The following LITAF variants were observed in gnomAD, a reference collection of about 807,000 sequenced individuals.
The protein encoded by LITAF is lipopolysaccharide-induced tumor necrosis factor-alpha factor.
In LITAF, 9 loss-of-function variants were observed where a neutral mutation model predicts 14.5. That is an observed-to-expected ratio of 0.62 (90% CI 0.37 to 1.08). The LOEUF is 1.08. Ranked by LOEUF, LITAF falls within the 50% of genes least tolerant of loss-of-function variation. The pLI is 0.01. For synonymous variants in LITAF, 98 were observed against 88.2 expected (o/e 1.11, Z -0.62); for missense variants, 206 against 213.4 (o/e 0.97, Z 0.22).
At chr16:11,637,274 G>A (rs970594278), upstream of LITAF, among the ~76,000 whole-genome samples, 16 of 152,318 alleles carry the variant, frequency 1.1e-4, no homozygotes, top group African/African-American at 3.8e-4. Flanking sequence ...TGGCAGGAAC[G>A]CCCATCTCTT....
At chr16:11,554,105 G>A (rs181873465) in intron 2 of LITAF, among the ~76,000 whole-genome samples, 8 of 152,222 alleles carry the variant, frequency 5.3e-5, no homozygotes, top group African/African-American at 1.7e-4. Context: ...GGGAGTACAC[G>A]CCTGTAGTCC....
intron 1 of LITAF, among the ~76,000 whole-genome samples, chr16:11,564,350 GA>G (rs1317844888): frequency 6.6e-6 from 1 of 152,054 alleles, no homozygotes; most frequent in Non-Finnish European, 1.5e-5. Flanking sequence ...TAAACTCCAC[GA>G]GGGACCTCAC....
At chr16:11,569,267 A>G (rs1186058569) in intron 1 of LITAF, among the ~76,000 whole-genome samples, 1 of 151,996 alleles carries the variant, frequency 6.6e-6, no homozygotes, top group Non-Finnish European at 1.5e-5. Context: ...TTGAGAAGGA[A>G]TCTCACTCTA....
chr16:11,596,225 G>A (rs946559655), intron 1 of LITAF, among the ~76,000 whole-genome samples: 6 of 152,050 alleles, frequency 3.9e-5, no homozygotes, highest in Non-Finnish European at 7.4e-5. Context: ...ATAGCAGGTG[G>A]GGCCTTTCCA....
intron 1 of LITAF, among the ~76,000 whole-genome samples, chr16:11,579,609 G>A (rs8050461): frequency 0.036 from 4,076 of 114,304 alleles, 404 homozygotes; most frequent in African/African-American, 0.1. Context: ...GGGAACTCCA[G>A]ATAAAGTCTG....
Position 11,558,146 on chromosome 16 carries a change from G to A in LITAF, c.-5-1411C>T, listed in dbSNP as rs918671784. Among the ~76,000 whole-genome samples the A allele has an allele frequency of 2.0e-5, 3 of 152,152 alleles. No homozygotes were observed. Among genetic ancestry groups the A allele is most frequent in the Non-Finnish European group, 4.4e-5 (3 of 68,010 alleles). ...CTGTCTGCCTCATTTTCTAGAACTC[G>A]TGGGAAGCCAAGGCAGCAATTAATC... On this transcript the variant is annotated intron_variant, in intron 1 of 3. Coordinates refer to ENST00000622633, the MANE Select transcript of LITAF (RefSeq NM_001136472.2). The surrounding 1 kb of genome is among the most constrained non-coding windows in gnomAD (Gnocchi z 4.1).
At chr16:11,585,141 G>T (rs2064788144) in intron 1 of LITAF, among the ~76,000 whole-genome samples, 1 of 151,912 alleles carries the variant, frequency 6.6e-6, no homozygotes, top group African/African-American at 2.4e-5. Context: ...TCAGGCAGGG[G>T]GTTGAGGTGG....
rs1200808749 is a variant in LITAF, at chr16:11,553,055, C to A, written c.377+478G>T. On this transcript the variant is annotated intron_variant, in intron 3 of 3. Coordinates refer to ENST00000622633, the MANE Select transcript of LITAF (RefSeq NM_001136472.2). This position sits in a 1 kb window ranked among gnomAD's most constrained non-coding sequence, Gnocchi z 7.7. ...GCTTGAACCTGGGAGGCGGAGGTTG[C>A]AGTGAGCCGGGATCGTGCTACTGCA... 6.6e-6 allele frequency among the ~76,000 whole-genome samples: 1 copy of A among 152,096 alleles called. No individual in the cohort carries two copies. Among genetic ancestry groups the A allele is most frequent in the African/African-American group, 2.4e-5 (1 of 41,406 alleles).
intron 3 of LITAF, among the ~76,000 whole-genome samples, chr16:11,618,727 G>C (rs937069866): frequency 6.6e-5 from 10 of 152,114 alleles, no homozygotes; most frequent in Non-Finnish European, 1.2e-4. Flanking sequence ...GCTCACACCT[G>C]TAATCCCAGC....
upstream of LITAF, among the ~76,000 whole-genome samples, chr16:11,591,941 G>T (rs1185946951): frequency 6.6e-6 from 1 of 152,206 alleles, no homozygotes; most frequent in Non-Finnish European, 1.5e-5. Flanking sequence ...ACATGTAGAA[G>T]AATGAAGTTG....
At chr16:11,637,964 A>C (rs866047351), upstream of LITAF, among the ~76,000 whole-genome samples, 42 of 49,218 alleles carry the variant, frequency 8.5e-4, 1 homozygote, top group Middle Eastern at 0.015. Context: ...ATCTATATAT[A>C]TCTATATATC....
At chr16:11,619,281 A>G (rs916999216) in intron 3 of LITAF, among the ~76,000 whole-genome samples, 5 of 151,660 alleles carry the variant, frequency 3.3e-5, no homozygotes, top group African/African-American at 1.2e-4. Flanking sequence ...ACTGTACTCC[A>G]GACTGGGTGA....
At chr16:11,598,624 G>C (rs1286157983), upstream of LITAF, 5 of 152,092 alleles carry the variant, frequency 3.3e-5, no homozygotes, top group African/African-American at 1.2e-4. Flanking sequence ...TTGGTTTTTA[G>C]GAAATGGTGA....
In LITAF at chr16:11,605,309, T is replaced by C. The variant is rs1011346564; in HGVS notation, c.85+28224A>G. On this transcript the variant is annotated intron_variant, in intron 3 of 3. Coordinates refer to the LITAF transcript ENST00000574848. This position sits in a 1 kb window ranked among gnomAD's most constrained non-coding sequence, Gnocchi z 4.7. ...TGGCCCCTAGTATTCAATGGGGGGA[T>C]GCCACGCAGGTCTGGCTATGTCTTC... Among the ~76,000 whole-genome samples, 7 of 152,234 alleles carry C rather than the reference T, an allele frequency of 4.6e-5. No individual in the cohort carries two copies. The highest frequency in any genetic ancestry group is 1.7e-4 in the African/African-American group (7 of 41,542).
upstream of LITAF, among the ~76,000 whole-genome samples, chr16:11,602,280 C>T (rs1044645292): frequency 3.3e-5 from 5 of 152,078 alleles, no homozygotes; most frequent in Non-Finnish European, 7.4e-5. Context: ...TGCTTGAGCC[C>T]GGGAGGCGGA....
chr16:11,604,199 T>C (rs1231816996), intron 3 of LITAF, among the ~76,000 whole-genome samples: 1 of 152,086 alleles, frequency 6.6e-6, no homozygotes, highest in Non-Finnish European at 1.5e-5. Context: ...TTCTGTGTGC[T>C]TATTGTTCTA....
chr16:11,623,327 C>T (rs1303489865), intron 3 of LITAF, among the ~76,000 whole-genome samples: 1 of 151,938 alleles, frequency 6.6e-6, no homozygotes, highest in African/African-American at 2.4e-5. Context: ...GTGGTAAGGA[C>T]TTCAGGCATG....
In LITAF at chr16:11,634,890, T is replaced by G. The variant is rs1048909800; in HGVS notation, c.-21+935A>C. Among the ~76,000 whole-genome samples the G allele has an allele frequency of 6.6e-6, 1 of 151,944 alleles. No individual in the cohort carries two copies. Among genetic ancestry groups the G allele is most frequent in the African/African-American group, 2.4e-5 (1 of 41,376 alleles). On this transcript the variant is annotated intron_variant, in intron 2 of 3. Coordinates refer to the LITAF transcript ENST00000574848. This position sits in a 1 kb window ranked among gnomAD's most constrained non-coding sequence, Gnocchi z 4.1. ...CTCTACTAAAAATGCAAAAACTAGCTGGGCGTGTTGGTGGGCACCTATAAT... is the reference window on the plus strand; with the variant it reads ...CTCTACTAAAAATGCAAAAACTAGCGGGGCGTGTTGGTGGGCACCTATAAT...
In LITAF at chr16:11,549,250, A is replaced by C. The variant is rs1176101672; in HGVS notation, c.*387T>G. ...GCAGAACAGCCTCAAAAATAAGGCAACTGTGGCTTCTCAGTTTGAGACTGC... is the reference window on the plus strand; with the variant it reads ...GCAGAACAGCCTCAAAAATAAGGCACCTGTGGCTTCTCAGTTTGAGACTGC... On this transcript the variant is annotated 3_prime_UTR_variant, in exon 4 of 4. Transcript: ENST00000622633. The surrounding 1 kb of genome is among the most constrained non-coding windows in gnomAD (Gnocchi z 4.6). 1 of 436,038 alleles carries C rather than the reference A, an allele frequency of 2.3e-6. No individual in the cohort carries two copies. Among genetic ancestry groups the C allele is most frequent in the Non-Finnish European group, 4.6e-6 (1 of 217,750 alleles). 27.0% of individuals were successfully genotyped at this position (436,038 alleles called of 1,614,324 possible). A position where few individuals can be genotyped will look rare whatever the true frequency, so the allele number is the denominator to read the frequency against.
Sources: allele counts gnomAD v4.1 joint callset (sites outside exome capture counted in the v4.1 genomes callset), GRCh38; gene constraint gnomAD v4.1.1; non-coding constraint Gnocchi (gnomAD v3.1); transcripts MANE v1.5; gene names NCBI Gene and HGNC (gene_info 2026-07-23, HGNC 2026-07-21).